Variants in TMEM132C observed in about 807,000 individuals in gnomAD.
TMEM132C encodes protein phosphatase 1, regulatory subunit 152.
A neutral mutation model predicts 61.4 loss-of-function variants in TMEM132C; 29 were observed. That is an observed-to-expected ratio of 0.47 (90% CI 0.35 to 0.64). TMEM132C has a LOEUF of 0.64. TMEM132C is among the 30% of genes least tolerant of loss of function. The probability of loss-of-function intolerance (pLI) is 0.00; values close to 1 mark genes in which losing one functional copy is unlikely to be tolerated. For missense variants in TMEM132C, 1,408 were observed against 1,476.9 expected (o/e 0.95, Z 0.76); for synonymous variants, 656 against 633.1 (o/e 1.04, Z -0.54).
At chr12:128,305,684 G>A (rs568547192) in intron 1 of TMEM132C, among the ~76,000 whole-genome samples, 11 of 151,950 alleles carry the variant, frequency 7.2e-5, no homozygotes, top group East Asian at 1.9e-4. Context: ...GAGACCTCCC[G>A]GCAGCAGCAA....
intron 3 of TMEM132C, among the ~76,000 whole-genome samples, chr12:128,611,572 A>G (rs983408704): frequency 2.6e-5 from 4 of 152,238 alleles, no homozygotes; most frequent in Admixed American, 1.3e-4. Context: ...GAATCACCAC[A>G]TGCATCATTT....
At chr12:128,591,757 TA>T (rs1317837295) in intron 3 of TMEM132C, among the ~76,000 whole-genome samples, 1 of 151,990 alleles carries the variant, frequency 6.6e-6, no homozygotes, top group South Asian at 2.1e-4. Context: ...TTTGCCAAGT[TA>T]AAAAAACTGA....
intron 2 of TMEM132C, among the ~76,000 whole-genome samples, chr12:128,496,849 A>T (rs1009773876): frequency 6.6e-6 from 1 of 152,216 alleles, no homozygotes; most frequent in African/African-American, 2.4e-5. Flanking sequence ...GTCATTCTCC[A>T]TCCAGCTTTG....
At chr12:128,449,546 G>C (rs1311968060) in intron 2 of TMEM132C, among the ~76,000 whole-genome samples, 2 of 152,194 alleles carry the variant, frequency 1.3e-5, no homozygotes, top group Non-Finnish European at 2.9e-5. Flanking sequence ...TTGGACTGAA[G>C]CCAAGATGAA....
At chr12:128,487,618 T>TATATATATATATATATATATAGATACAC (rs1443168994) in intron 2 of TMEM132C, among the ~76,000 whole-genome samples, 1 of 149,330 alleles carries the variant, frequency 6.7e-6, no homozygotes, top group African/African-American at 2.5e-5. Context: ...TATATATATA[T>TATATATATATATATATATATAGATACAC]ATATATATAT....
intron 1 of TMEM132C, among the ~76,000 whole-genome samples, chr12:128,312,405 A>C (rs1872002415): frequency 6.6e-6 from 1 of 152,156 alleles, no homozygotes; most frequent in African/African-American, 2.4e-5. Context: ...TCCCAGGCTC[A>C]GGTGATCCTC....
At chr12:128,342,782 T>A (rs1163462487) in intron 1 of TMEM132C, among the ~76,000 whole-genome samples, 4 of 152,214 alleles carry the variant, frequency 2.6e-5, no homozygotes, top group African/African-American at 7.2e-5. Context: ...CCTGGGCCCC[T>A]GCTGGATGCT....
chr12:128,418,908 T>C lies in TMEM132C; in HGVS notation c.974+3288T>C, dbSNP rs185402988. 2.2e-3 allele frequency among the ~76,000 whole-genome samples: 333 copies of C among 152,088 alleles called. 2 individuals are homozygous for C. The highest frequency in any genetic ancestry group is 7.5e-3 in the African/African-American group (311 of 41,508). On this transcript the variant is annotated intron_variant, in intron 2 of 8. Coordinates refer to ENST00000435159, the MANE Select transcript of TMEM132C (RefSeq NM_001136103.3). The stretch of plus-strand genomic sequence containing the variant: ...GCTTCTCCTGTATTTTTTTATTTTA[T>C]TTTTTTTAAGGAATACAGAGAACTT...
chr12:128,669,311 C>T, intron 4 of TMEM132C, 106 bp from the exon 5 acceptor site: 2 of 1,371,674 alleles, frequency 1.5e-6, no homozygotes, highest in East Asian at 5.0e-5. Context: ...CTTGTACAAA[C>T]AAGGACAGCC....
chr12:128,356,575 A>G (rs1873511601), intron 1 of TMEM132C, among the ~76,000 whole-genome samples: 1 of 152,222 alleles, frequency 6.6e-6, no homozygotes, highest in Non-Finnish European at 1.5e-5. Flanking sequence ...ACAGAAAGCA[A>G]GAAGTAGGGG....
chr12:128,392,024 T>TC (rs1398714353), intron 1 of TMEM132C, among the ~76,000 whole-genome samples: 5 of 151,682 alleles, frequency 3.3e-5, no homozygotes, highest in African/African-American at 1.2e-4. Context: ...ATTTGCAGTC[T>TC]CCCCCACCCT....
intron 2 of TMEM132C, among the ~76,000 whole-genome samples, chr12:128,516,306 T>C (rs1023077460): frequency 2.6e-5 from 4 of 152,158 alleles, no homozygotes; most frequent in African/African-American, 9.7e-5. Context: ...ATGGGACAAT[T>C]GGTGTGAGCA....
At chr12:128,670,394 C>T (rs1364424479) in intron 5 of TMEM132C, among the ~76,000 whole-genome samples, 1 of 152,152 alleles carries the variant, frequency 6.6e-6, no homozygotes, top group Non-Finnish European at 1.5e-5. Flanking sequence ...TCCTGTCTAA[C>T]TGATATTTTG....
intron 3 of TMEM132C, among the ~76,000 whole-genome samples, chr12:128,569,910 A>C (rs764303573): frequency 7.2e-5 from 11 of 152,304 alleles, no homozygotes; most frequent in Non-Finnish European, 1.3e-4. Flanking sequence ...AAAATAAAAA[A>C]CCAACCTCAG....
At chr12:128,516,072 C>G in intron 2 of TMEM132C, among the ~76,000 whole-genome samples, 1 of 152,122 alleles carries the variant, frequency 6.6e-6, no homozygotes, top group East Asian at 1.9e-4. Flanking sequence ...GAAGGAGGAA[C>G]CTGGACGACA....
chr12:128,516,462 G>A (rs1488037245), intron 2 of TMEM132C, among the ~76,000 whole-genome samples: 1 of 152,196 alleles, frequency 6.6e-6, no homozygotes, highest in Non-Finnish European at 1.5e-5. Context: ...ATGGCTCTAG[G>A]ATTGGGGCTG....
intron 1 of TMEM132C, among the ~76,000 whole-genome samples, chr12:128,300,882 A>G (rs894811276): frequency 3.9e-5 from 6 of 152,180 alleles, no homozygotes; most frequent in Admixed American, 6.5e-5. Flanking sequence ...TACAAAAAAA[A>G]ATTCAGAAAT....
chr12:128,671,461 A>G (rs1309071000), intron 5 of TMEM132C, among the ~76,000 whole-genome samples: 1 of 152,204 alleles, frequency 6.6e-6, no homozygotes, highest in Non-Finnish European at 1.5e-5. Context: ...CACATCCAGG[A>G]AAAAACAAAT....
intron 1 of TMEM132C, among the ~76,000 whole-genome samples, chr12:128,320,705 A>T (rs1006544047): frequency 6.6e-6 from 1 of 152,056 alleles, no homozygotes; most frequent in Admixed American, 6.6e-5. Flanking sequence ...CCTGGGAGAT[A>T]AGAGGTCAAG....
Sources: gnomAD v4.1 joint callset for allele counts (sites outside exome capture counted in the v4.1 genomes callset) on GRCh38, gnomAD v4.1.1 for gene constraint, MANE v1.5 for transcripts, NCBI Gene and HGNC (gene_info 2026-07-23, HGNC 2026-07-21) for gene names.